The following ZNF442 variants were observed in gnomAD, a reference collection of about 807,000 sequenced individuals.
ZNF442 encodes the protein zinc finger protein 442.
Under a neutral mutation model 57.0 loss-of-function variants are expected in ZNF442, and 45 were observed. The ratio of observed to expected loss-of-function variants is 0.79; its 90% confidence interval spans 0.62 to 1.01. The LOEUF (loss-of-function observed/expected upper bound fraction) is 1.01, where lower values mean the gene tolerates loss of function less well. Among genes scored for constraint, ZNF442 ranks in the 50% least tolerant of loss-of-function variants. The pLI is 0.00. For synonymous variants in ZNF442, 213 were observed against 241.8 expected, an observed-to-expected ratio of 0.88 and a Z score of 1.10; for missense variants, 690 against 756.5, an observed-to-expected ratio of 0.91 and a Z score of 1.03.
upstream of ZNF442, among the ~76,000 whole-genome samples, chr19:12,370,308 G>A (rs76031498): frequency 4.3e-3 from 656 of 151,916 alleles, 6 homozygotes; most frequent in African/African-American, 0.013. Flanking sequence ...AATAGGGTTC[G>A]TGCTCCTATG....
intron 3 of ZNF442, among the ~76,000 whole-genome samples, chr19:12,361,539 A>G (rs1969425334): frequency 2.0e-5 from 3 of 152,142 alleles, no homozygotes; most frequent in Non-Finnish European, 4.4e-5. Flanking sequence ...ACGACCAAAC[A>G]TTTTTCCTTA....
chr19:12,352,087 G>A lies in ZNF442; in HGVS notation c.206-17C>T. ...ATTTCATTCCTAAAAGGTGGACACA[G>A]AAAAAACACTGTAGATTATTATAAA... On this transcript the variant is annotated splice_polypyrimidine_tract_variant and intron_variant, in intron 4 of 5. Transcript: ENST00000242804. 6.2e-7 allele frequency: 1 copy of A among 1,608,158 alleles called. No individual in the cohort carries two copies. Among genetic ancestry groups the A allele is most frequent in the African/African-American group, 1.3e-5 (1 of 74,648 alleles).
At chr19:12,369,523 C>G (rs1226898558), upstream of ZNF442, among the ~76,000 whole-genome samples, 2 of 152,080 alleles carry the variant, frequency 1.3e-5, no homozygotes, top group Non-Finnish European at 2.9e-5. Context: ...GAGGCTGAGG[C>G]AAGAGAATCG....
At chr19:12,363,061 A>C (rs753228079) in intron 3 of ZNF442, among the ~76,000 whole-genome samples, 2 of 148,416 alleles carry the variant, frequency 1.3e-5, no homozygotes, top group African/African-American at 2.5e-5. Flanking sequence ...CGGGAGGCTG[A>C]GATGGGAGGA....
Position 12,350,386 on chromosome 19 carries a change from G to A in ZNF442, c.1199C>T (p.Thr400Ile), listed in dbSNP as rs1455636127. 1.9e-6 allele frequency: 3 copies of A among 1,613,784 alleles called. No homozygotes were observed. Among genetic ancestry groups the A allele is most frequent in the Non-Finnish European group, 2.5e-6 (3 of 1,180,004 alleles). Residue 400 changes from threonine (T) to isoleucine (I), a missense_variant, in exon 6 of 6, where the codon ACT becomes ATT. Coordinates refer to ENST00000242804, the MANE Select transcript of ZNF442 (RefSeq NM_030824.3). ...CTTGCATTTGTGAGGTCCATCTCCA[G>A]TGTGCATTATCATATGACTTCGAAA... The part of the protein sequence containing the change: ...SSFRSHMIMH[T>I]GDGPHKCKVC...
At position 12,365,612 on chromosome 19, in the gene ZNF442, G is replaced by A. The variant is rs1330858100; in HGVS notation, c.-562C>T. 21 of 312,736 alleles carry A rather than the reference G, an allele frequency of 6.7e-5. No homozygotes were observed. The highest frequency in any genetic ancestry group is 1.5e-3 in the Middle Eastern group (2 of 1,316). The allele number at this position is 312,736 out of a possible 1,614,324, so 19.4% of individuals were successfully genotyped here. Reference sequence around the variant, plus strand: ...CATAGGACTCAGCGTGACAGTGCCTGCCACTGACCTGCCAGGGCTTCTCTC... The same window carrying A: ...CATAGGACTCAGCGTGACAGTGCCTACCACTGACCTGCCAGGGCTTCTCTC... On this transcript the variant is annotated 5_prime_UTR_variant, in exon 1 of 6. Transcript: ENST00000242804.
In ZNF442 at chr19:12,353,116, T is replaced by C; in HGVS notation, c.79-2A>G. The C allele has an allele frequency of 6.2e-7, 1 of 1,608,176 alleles. No homozygotes were observed. Among genetic ancestry groups the C allele is most frequent in the Admixed American group, 1.7e-5 (1 of 57,954 alleles). On this transcript the variant is annotated splice_acceptor_variant, in intron 3 of 5. Coordinates refer to ENST00000242804, the MANE Select transcript of ZNF442 (RefSeq NM_030824.3). LOFTEE classifies it high-confidence loss of function. ...CACATCCTCAAAGGCTACTGAATCCTGAAACACCCCACATGTACAAAGGAG... is the reference window on the plus strand; with the variant it reads ...CACATCCTCAAAGGCTACTGAATCCCGAAACACCCCACATGTACAAAGGAG...
rs1253060800 is a variant in ZNF442 at position 12,348,485 on chromosome 19, C to T, written c.*1216G>A. 1.3e-5 allele frequency: 2 copies of T among 152,160 alleles called. No individual in the cohort carries two copies. The highest frequency in any genetic ancestry group is 2.9e-5 in the Non-Finnish European group (2 of 68,036). The allele number at this position is 152,160 out of a possible 1,614,324, so 9.4% of individuals were successfully genotyped here. A position where few individuals can be genotyped will look rare whatever the true frequency, so the allele number is the denominator to read the frequency against. On this transcript the variant is annotated 3_prime_UTR_variant, in exon 6 of 6. Transcript: ENST00000242804. The stretch of plus-strand genomic sequence containing the variant: ...TGCAAGGATATTTAAAGAAAAAGAA[C>T]CAGCTTCCTACAACAATGTTTCTAA...
At chr19:12,370,381 G>C (rs1969571009), upstream of ZNF442, among the ~76,000 whole-genome samples, 1 of 152,002 alleles carries the variant, frequency 6.6e-6, no homozygotes, top group South Asian at 2.1e-4. Context: ...TGAGTGATGG[G>C]AAGTGGCTGT....
upstream of ZNF442, among the ~76,000 whole-genome samples, chr19:12,367,302 G>A (rs971537801): frequency 4.6e-5 from 7 of 152,132 alleles, no homozygotes; most frequent in African/African-American, 1.7e-4. Context: ...TTTTTATTAG[G>A]GATTCTAATA....
upstream of ZNF442, among the ~76,000 whole-genome samples, chr19:12,366,756 G>A (rs767872904): frequency 2.4e-4 from 36 of 152,020 alleles, no homozygotes; most frequent in Non-Finnish European, 4.4e-4. Flanking sequence ...TCAGCCTCCC[G>A]AGTAGCACAC....
At chr19:12,355,258 T>A (rs911366928) in intron 3 of ZNF442, among the ~76,000 whole-genome samples, 1 of 130,818 alleles carries the variant, frequency 7.6e-6, no homozygotes, top group Admixed American at 8.3e-5. Context: ...GCCACTGCAC[T>A]CCAGCCTGGG....
chr19:12,353,173 C>T (rs1010281929), intron 3 of ZNF442, 59 bp from the exon 4 acceptor site: 9 of 1,522,284 alleles, frequency 5.9e-6, no homozygotes, highest in South Asian at 1.3e-5. Flanking sequence ...CAAAAATTTA[C>T]ACCCACTTCA....
At position 12,363,610 on chromosome 19, in the gene ZNF442, C is replaced by G. The variant is rs1161484317; in HGVS notation, c.22G>C (p.Asp8His). 3.1e-6 allele frequency: 5 copies of G among 1,614,224 alleles called. No homozygotes were observed. The highest frequency in any genetic ancestry group is 4.2e-6 in the Non-Finnish European group (5 of 1,180,034). The change falls in exon 3 of 6, where the codon GAC (aspartate) becomes CAC (histidine). Residue 8 changes from aspartate (D) to histidine (H), a missense_variant. Transcript: ENST00000242804. MIVFGGEDRSDLFLPDSQ... is the reference protein window; with the variant it reads MIVFGGEHRSDLFLPDSQ... ...TCAGGAAGGAAGAGATCACTTCTGTCTTCTCCCCCAAATACAATCATTCAA... is the reference window on the plus strand; with the variant it reads ...TCAGGAAGGAAGAGATCACTTCTGTGTTCTCCCCCAAATACAATCATTCAA...
intron 3 of ZNF442, among the ~76,000 whole-genome samples, chr19:12,361,290 A>G (rs1252197372): frequency 6.6e-6 from 1 of 152,236 alleles, no homozygotes; most frequent in Non-Finnish European, 1.5e-5. Context: ...ATAATAATAA[A>G]GCATTTAGTA....
chr19:12,351,654 C>T (rs1368542776), intron 5 of ZNF442: 15 of 310,698 alleles, frequency 4.8e-5, no homozygotes, highest in South Asian at 1.3e-4. Flanking sequence ...TACACACATG[C>T]GCCACCACGC....
chr19:12,355,695 CG>C (rs1568488328), intron 3 of ZNF442, among the ~76,000 whole-genome samples: 2 of 149,468 alleles, frequency 1.3e-5, no homozygotes, highest in African/African-American at 4.9e-5. Flanking sequence ...AGGCCGGGCA[CG>C]GTGGCTCACA....
rs372883273 is a variant in ZNF442 at position 12,350,240 on chromosome 19, G to A, written c.1345C>T (p.Arg449Ter). The A allele has an allele frequency of 1.1e-5, 17 of 1,613,414 alleles. No individual in the cohort carries two copies. The highest frequency in any genetic ancestry group is 6.7e-5 in the East Asian group (3 of 44,858). Residue 449 changes from arginine to a stop codon, truncating the protein, a stop_gained, in exon 6 of 6, where the codon CGA becomes TGA. Transcript: ENST00000242804. LOFTEE classifies it high-confidence loss of function. ...GKAFRISSSL[R>*]RHETTHTGEK... ...CCAGTGTGAGTTGTTTCATGTCTTC[G>A]AAGGGAACTAGAAATACGGAAGGCT... is the stretch of plus-strand genomic sequence containing the variant.
At chr19:12,363,158 CAAAAAAAAAAAA>C (rs886442784) in intron 3 of ZNF442, among the ~76,000 whole-genome samples, 9 of 60,674 alleles carry the variant, frequency 1.5e-4, no homozygotes, top group Non-Finnish European at 2.6e-4. Context: ...AGCTCCGTCT[CAAAAAAAAAAAA>C]AAAAAAAAAA....
Sources: gnomAD v4.1 joint callset for allele counts (sites outside exome capture counted in the v4.1 genomes callset) on GRCh38, gnomAD v4.1.1 for gene constraint, MANE v1.5 for transcripts, NCBI Gene and HGNC (gene_info 2026-07-23, HGNC 2026-07-21) for gene names.